The following TEX22 variants were observed in gnomAD, a reference collection of about 807,000 sequenced individuals.
The protein encoded by TEX22 is testis expressed 22.
A neutral mutation model predicts 11.3 loss-of-function variants in TEX22; 16 were observed. The ratio of observed to expected loss-of-function variants is 1.42; its 90% CI spans 0.96 to 2.15. TEX22 has a LOEUF of 2.15. Ranked by LOEUF, TEX22 falls within the 30% of genes most tolerant of loss-of-function variation. TEX22 has a pLI of 0.00. For synonymous variants in TEX22, 97 were observed against 92.3 expected, an observed-to-expected ratio of 1.05 and a Z score of -0.29; for missense variants, 220 against 208.6, an observed-to-expected ratio of 1.05 and a Z score of -0.34.
intron 2 of TEX22, among the ~76,000 whole-genome samples, chr14:105,402,553 G>C (rs150745078): frequency 7.2e-5 from 11 of 151,848 alleles, no homozygotes; most frequent in Admixed American, 2.0e-4. Context: ...TGGAGATCAA[G>C]ACCATCCTGG....
chr14:105,410,407 T>A (rs1354464758), intron 2 of TEX22, among the ~76,000 whole-genome samples: 1 of 152,222 alleles, frequency 6.6e-6, no homozygotes, highest in African/African-American at 2.4e-5. Flanking sequence ...CTTAATAATA[T>A]TCCATTTTCT....
intron 2 of TEX22, among the ~76,000 whole-genome samples, chr14:105,410,693 T>C (rs934102234): frequency 1.3e-5 from 2 of 152,156 alleles, no homozygotes; most frequent in Non-Finnish European, 2.9e-5. Flanking sequence ...CCCTTCCCCC[T>C]GGTGAGGGAG....
intron 2 of TEX22, among the ~76,000 whole-genome samples, chr14:105,403,640 G>A (rs2081643970): frequency 6.6e-6 from 1 of 152,160 alleles, no homozygotes; most frequent in Admixed American, 6.6e-5. Context: ...GCCTGGTGTG[G>A]TCTTGAACTG....
At chr14:105,402,661 CAGG>C (rs2081637056) in intron 2 of TEX22, among the ~76,000 whole-genome samples, 1 of 149,774 alleles carries the variant, frequency 6.7e-6, no homozygotes, top group Non-Finnish European at 1.5e-5. Context: ...GAGGCTGAGG[CAGG>C]AGAATGGCGT....
At chr14:105,399,230 G>A (rs1219959767) in intron 1 of TEX22, 72 bp from the exon 2 acceptor site, 47 of 862,592 alleles carry the variant, frequency 5.4e-5, no homozygotes, top group Middle Eastern at 3.1e-4. Context: ...CTGCCCCCAG[G>A]GACTCAGGTA....
At chr14:105,410,137 G>A (rs1468478740) in intron 2 of TEX22, among the ~76,000 whole-genome samples, 1 of 152,056 alleles carries the variant, frequency 6.6e-6, no homozygotes, top group Non-Finnish European at 1.5e-5. Context: ...AAGTACAATG[G>A]TGTGATCTCG....
intron 3 of TEX22, 29 bp downstream of exon 3, chr14:105,411,525 C>CCCGGGGGG: frequency 9.5e-7 from 1 of 1,056,556 alleles, no homozygotes. Flanking sequence ...CTCCCCGCCC[C>CCCGGGGGG]GTCCCCGCCC....
Position 105,411,653 on chromosome 14 carries a change from C to G in TEX22, c.280-7C>G. ...CCTCGAGGCTCCCTGACCACCCTCG[C>G]CCGCAGGACGTCGTGCAGATGGTAG... On this transcript the variant is annotated splice_region_variant and splice_polypyrimidine_tract_variant and intron_variant, in intron 3 of 3. Coordinates refer to ENST00000451127, the MANE Select transcript of TEX22 (RefSeq NM_001195082.2). 6.6e-7 allele frequency: 1 copy of G among 1,526,564 alleles called. No homozygotes were observed. Among genetic ancestry groups the G allele is most frequent in the Non-Finnish European group, 8.8e-7 (1 of 1,142,424 alleles). The allele number at this position is 1,526,564 out of a possible 1,614,324, so 94.6% of individuals were successfully genotyped here.
At chr14:105,401,648 G>A (rs1289456171) in intron 2 of TEX22, among the ~76,000 whole-genome samples, 1 of 151,534 alleles carries the variant, frequency 6.6e-6, no homozygotes, top group African/African-American at 2.4e-5. Flanking sequence ...CGAGTTAATG[G>A]GTGCAGCACA....
At chr14:105,399,850 T>G (rs1399906752) in intron 2 of TEX22, among the ~76,000 whole-genome samples, 2 of 150,726 alleles carry the variant, frequency 1.3e-5, no homozygotes, top group African/African-American at 4.9e-5. Flanking sequence ...CCAGGGGGGG[T>G]GGTGTCCTCC....
intron 2 of TEX22, among the ~76,000 whole-genome samples, chr14:105,402,737 CAG>C (rs1160408398): frequency 7.6e-5 from 10 of 131,120 alleles, no homozygotes; most frequent in African/African-American, 2.4e-4. Context: ...GCCTGGGCGA[CAG>C]AGCGAGACTC....
chr14:105,400,279 C>T (rs75211094), intron 2 of TEX22, among the ~76,000 whole-genome samples: 2,426 of 152,304 alleles, frequency 0.016, 56 homozygotes, highest in African/African-American at 0.055. Flanking sequence ...CAGGGCTGCC[C>T]GCTGAGGCCC....
chr14:105,405,424 A>G (rs1319055423), intron 2 of TEX22, among the ~76,000 whole-genome samples: 2 of 152,230 alleles, frequency 1.3e-5, no homozygotes, highest in Admixed American at 6.5e-5. Flanking sequence ...AATTCAGTCA[A>G]TGAAAACGGA....
In TEX22 at chr14:105,412,067, T is replaced by G. The variant is rs2081697105; in HGVS notation, c.*234T>G. 2.5e-6 allele frequency: 1 copy of G among 394,142 alleles called. No homozygotes were observed. The highest frequency in any genetic ancestry group is 4.5e-6 in the Non-Finnish European group (1 of 223,208). 24.4% of individuals were successfully genotyped at this position (394,142 alleles called of 1,614,324 possible). A position where few individuals can be genotyped will look rare whatever the true frequency, so the allele number is the denominator to read the frequency against. On this transcript the variant is annotated 3_prime_UTR_variant, in exon 4 of 4. Transcript: ENST00000451127. This position sits in a 1 kb window ranked among gnomAD's most constrained non-coding sequence, Gnocchi z 5.8. The stretch of plus-strand genomic sequence containing the variant: ...AGGGGAACACTGCCCCGGGTCAGTC[T>G]GAGAGGGCCCTGGCAAGGCCTGGGT...
intron 2 of TEX22, among the ~76,000 whole-genome samples, chr14:105,404,820 G>A (rs1240900571): frequency 1.3e-5 from 2 of 152,226 alleles, no homozygotes; most frequent in Admixed American, 6.5e-5. Context: ...CATCATGAAA[G>A]TGATGAAAGG....
At chr14:105,408,095 T>A (rs1166368017) in intron 2 of TEX22, among the ~76,000 whole-genome samples, 1 of 152,230 alleles carries the variant, frequency 6.6e-6, no homozygotes, top group Non-Finnish European at 1.5e-5. Flanking sequence ...TCTTATTTTT[T>A]TTAAATTTTA....
chr14:105,410,362 C>T (rs1185466094), intron 2 of TEX22, among the ~76,000 whole-genome samples: 1 of 152,236 alleles, frequency 6.6e-6, no homozygotes, highest in Non-Finnish European at 1.5e-5. Context: ...CAGGCATGAG[C>T]CACCACACCC....
intron 2 of TEX22, among the ~76,000 whole-genome samples, chr14:105,401,589 G>T (rs2081626749): frequency 1.6e-5 from 2 of 126,890 alleles, no homozygotes; most frequent in Non-Finnish European, 1.6e-5. Flanking sequence ...TTGTGGGGTG[G>T]GGGGAGGGGG....
intron 2 of TEX22, among the ~76,000 whole-genome samples, chr14:105,401,908 A>G (rs587614200): frequency 6.6e-6 from 1 of 152,320 alleles, no homozygotes; most frequent in South Asian, 2.1e-4. Flanking sequence ...AAAAATCGCC[A>G]GGTGCGGTGG....
Sources: gnomAD v4.1 joint callset for allele counts (sites outside exome capture counted in the v4.1 genomes callset) on GRCh38, gnomAD v4.1.1 for gene constraint, Gnocchi (gnomAD v3.1) non-coding constraint, MANE v1.5 for transcripts, NCBI Gene and HGNC (gene_info 2026-07-23, HGNC 2026-07-21) for gene names.